Variants in TUBGCP5 observed in about 807,000 individuals in gnomAD.
The protein encoded by TUBGCP5 is gamma-tubulin complex component 5.
TUBGCP5 carries 98 observed loss-of-function variants against 134.7 expected under a neutral mutation model. That is an observed-to-expected ratio of 0.73 (90% CI 0.62 to 0.86). The LOEUF is 0.86. Ranked by LOEUF, TUBGCP5 falls within the 40% of genes least tolerant of loss-of-function variation. TUBGCP5 has a pLI of 0.00. For missense variants in TUBGCP5, 1,150 were observed against 1,244.8 expected, an observed-to-expected ratio of 0.92 and a Z score of 1.15; for synonymous variants, 456 against 431.4, an observed-to-expected ratio of 1.06 and a Z score of -0.71.
intron 16 of TUBGCP5, among the ~76,000 whole-genome samples, chr15:23,007,870 C>G (rs972886679): frequency 5.3e-5 from 8 of 152,026 alleles, no homozygotes; most frequent in Admixed American, 3.9e-4. Context: ...TGGTGAGGGT[C>G]AAGTCCGTTT....
chr15:23,032,453 A>T (rs1391690324), intron 4 of TUBGCP5, among the ~76,000 whole-genome samples: 1 of 152,190 alleles, frequency 6.6e-6, no homozygotes, highest in African/African-American at 2.4e-5. Context: ...ATAGTTTTTT[A>T]AAAGATTGTA....
chr15:22,987,367 G>A (rs2063710613), intron 23 of TUBGCP5, among the ~76,000 whole-genome samples: 1 of 151,160 alleles, frequency 6.6e-6, no homozygotes, highest in Admixed American at 6.6e-5. Flanking sequence ...GAAAGTTACT[G>A]TCCTGTTTTT....
chr15:22,997,725 C>A (rs1370453176), downstream of TUBGCP5, among the ~76,000 whole-genome samples: 2 of 151,808 alleles, frequency 1.3e-5, no homozygotes, highest in Non-Finnish European at 2.9e-5. Context: ...TCAAGCAATT[C>A]TCTGGCCTCA....
intron 4 of TUBGCP5, 79 bp from the exon 5 acceptor site, chr15:23,032,108 C>G (rs1320706226): frequency 1.1e-6 from 1 of 942,364 alleles, no homozygotes; most frequent in African/African-American, 1.7e-5. Flanking sequence ...GGAAAAAAGA[C>G]TAACAAGACT....
At chr15:23,025,755 CAGG>C in intron 8 of TUBGCP5, among the ~76,000 whole-genome samples, 1 of 150,392 alleles carries the variant, frequency 6.6e-6, no homozygotes, top group Non-Finnish European at 1.5e-5. Context: ...GGCGTGAACC[CAGG>C]AGGTGAAGCT....
intron 18 of TUBGCP5, chr15:23,005,821 G>A: frequency 3.0e-6 from 2 of 672,330 alleles, no homozygotes; most frequent in Non-Finnish European, 4.9e-6. Flanking sequence ...TTGCATTTCA[G>A]ATCAACTGTA....
chr15:22,992,503 T>C (rs2063879240), intron 23 of TUBGCP5, among the ~76,000 whole-genome samples: 1 of 152,096 alleles, frequency 6.6e-6, no homozygotes, highest in South Asian at 2.1e-4. Flanking sequence ...TGTATGTATA[T>C]GTGTGTCACA....
intron 5 of TUBGCP5, 141 bp from the exon 6 acceptor site, chr15:23,031,161 A>G: frequency 1.3e-6 from 1 of 752,200 alleles, no homozygotes; most frequent in Non-Finnish European, 2.0e-6. Flanking sequence ...TTTTTCCTAA[A>G]TCTCTTGGAA....
At chr15:23,000,156 C>T in intron 22 of TUBGCP5, 1 of 755,700 alleles carries the variant, frequency 1.3e-6, no homozygotes. Flanking sequence ...AAGTGATTCA[C>T]TCAACCTCCC....
Position 23,013,178 on chromosome 15 carries a change from G to A in TUBGCP5, c.1757-1847C>T, listed in dbSNP as rs576213525. 6.6e-6 allele frequency among the ~76,000 whole-genome samples: 1 copy of A among 152,086 alleles called. No individual in the cohort carries two copies. Among genetic ancestry groups the A allele is most frequent in the East Asian group, 1.9e-4 (1 of 5,168 alleles). ...AGTTAAGATCCGACTGGAGGCTGGGGGTGGTGACTCACACCTGTAATCCCA... is the reference window on the plus strand; with the variant it reads ...AGTTAAGATCCGACTGGAGGCTGGGAGTGGTGACTCACACCTGTAATCCCA... On this transcript the variant is annotated intron_variant, in intron 13 of 22. Transcript: ENST00000615383. This position sits in a 1 kb window ranked among gnomAD's most constrained non-coding sequence, Gnocchi z 4.5.
At chr15:23,024,324 AAT>A in intron 9 of TUBGCP5, 131 bp from the exon 10 acceptor site, 2 of 912,438 alleles carry the variant, frequency 2.2e-6, no homozygotes, top group South Asian at 2.4e-5. Context: ...ACAAAGTAAT[AAT>A]ATGATTAATA....
intron 16 of TUBGCP5, among the ~76,000 whole-genome samples, chr15:23,006,594 C>CA (rs1314092604): frequency 6.6e-6 from 1 of 152,056 alleles, no homozygotes; most frequent in Non-Finnish European, 1.5e-5. Context: ...AGACACTTAA[C>CA]AATGGTAGTA....
Position 23,037,014 on chromosome 15 carries a change from T to C in TUBGCP5, c.201-9A>G, listed in dbSNP as rs779095985. ...CAAATTTTTCATAAATTCTAAAATA[T>C]AAGAAAAGATTATAAAGCTATCTTA... On this transcript the variant is annotated splice_polypyrimidine_tract_variant and intron_variant, in intron 2 of 22. Coordinates refer to ENST00000615383, the MANE Select transcript of TUBGCP5 (RefSeq NM_052903.6). 5.6e-5 allele frequency: 89 copies of C among 1,594,470 alleles called. No individual in the cohort carries two copies. The highest frequency in any genetic ancestry group is 7.2e-5 in the Non-Finnish European group (84 of 1,170,712).
At chr15:23,015,134 G>C (rs577346789) in intron 13 of TUBGCP5, among the ~76,000 whole-genome samples, 1 of 152,162 alleles carries the variant, frequency 6.6e-6, no homozygotes, top group South Asian at 2.1e-4. Flanking sequence ...GCCCAGGTTG[G>C]AGTACAGTGG....
chr15:23,009,874 T>A, intron 15 of TUBGCP5, 71 bp downstream of exon 15: 1 of 1,418,788 alleles, frequency 7.0e-7, no homozygotes, highest in Non-Finnish European at 9.5e-7. Context: ...AAATAGGTTT[T>A]AAAATAATCT....
At chr15:23,002,968 A>G in intron 21 of TUBGCP5, 97 bp downstream of exon 21, 3 of 1,214,518 alleles carry the variant, frequency 2.5e-6, no homozygotes, top group Non-Finnish European at 3.6e-6. Context: ...CTCTCCTCTC[A>G]GCCTCCTGAA....
rs1423613533 is a variant in TUBGCP5 at position 23,002,784 on chromosome 15, G to A, written c.2927+281C>T. ...GTCCATGATAAAAATTTAACAAAAC[G>A]TACACAATATAACATGAGTATAATC... On this transcript the variant is annotated intron_variant, in intron 21 of 22. Coordinates refer to ENST00000615383, the MANE Select transcript of TUBGCP5 (RefSeq NM_052903.6). Among the ~76,000 whole-genome samples, 4 of 151,936 alleles carry A rather than the reference G, an allele frequency of 2.6e-5. 1 individual carries two copies. Among genetic ancestry groups the A allele is most frequent in the Admixed American group, 1.3e-4 (2 of 15,256 alleles).
intron 3 of TUBGCP5, among the ~76,000 whole-genome samples, chr15:23,035,159 C>T (rs1399748431): frequency 6.6e-6 from 1 of 151,804 alleles, no homozygotes; most frequent in Non-Finnish European, 1.5e-5. Context: ...GAAACCCTGT[C>T]TCTACTAAAA....
chr15:23,007,897 G>A (rs1262821453), intron 16 of TUBGCP5, among the ~76,000 whole-genome samples: 1 of 152,080 alleles, frequency 6.6e-6, no homozygotes, highest in Non-Finnish European at 1.5e-5. Context: ...AAGGGAGTGA[G>A]GCTGAGAGAC....
Sources: allele counts gnomAD v4.1 joint callset (sites outside exome capture counted in the v4.1 genomes callset), GRCh38; gene constraint gnomAD v4.1.1; non-coding constraint Gnocchi (gnomAD v3.1); transcripts MANE v1.5; gene names NCBI Gene and HGNC (gene_info 2026-07-23, HGNC 2026-07-21).